Variants in HPSE2 observed in about 807,000 individuals in gnomAD.
HPSE2 encodes inactive heparanase-2.
HPSE2 carries 38 observed loss-of-function variants against 60.5 expected under a neutral mutation model. The observed-to-expected ratio is 0.63, with a 90% CI of 0.48 to 0.82. HPSE2 has a LOEUF of 0.82. Among genes scored for constraint, HPSE2 ranks in the 40% least tolerant of loss-of-function variants. The pLI, the probability that HPSE2 is intolerant of heterozygous loss-of-function variation, is 0.00. For synonymous variants in HPSE2, 295 were observed against 293.2 expected (o/e 1.01, Z -0.06); for missense variants, 713 against 740.4 (o/e 0.96, Z 0.43).
At position 98,573,165 on chromosome 10, in the gene HPSE2, G is replaced by T. The variant is rs1386112757; in HGVS notation, c.1320+41739C>A. ...GTGGCTCTTGTGAGGATTCACTAGTGCAAGTAGTATATACTAGGCATTCAA... is the reference window on the plus strand; with the variant it reads ...GTGGCTCTTGTGAGGATTCACTAGTTCAAGTAGTATATACTAGGCATTCAA... On this transcript the variant is annotated intron_variant, in intron 9 of 11. Transcript: ENST00000370552. Among the ~76,000 whole-genome samples, 3 of 152,162 alleles carry T rather than the reference G, an allele frequency of 2.0e-5. No individual in the cohort carries two copies. The East Asian group carries it at 5.8e-4, about 29-fold the overall frequency.
At chr10:98,645,750 G>A (rs1047566184) in intron 6 of HPSE2, among the ~76,000 whole-genome samples, 9 of 152,010 alleles carry the variant, frequency 5.9e-5, no homozygotes, top group Non-Finnish European at 1.0e-4. Context: ...AGGCTGAGGC[G>A]GGCGGATCAT....
intron 3 of HPSE2, among the ~76,000 whole-genome samples, chr10:98,772,079 T>C (rs1254723343): frequency 6.6e-6 from 1 of 152,024 alleles, no homozygotes; most frequent in Non-Finnish European, 1.5e-5. Flanking sequence ...GCAATAACCG[T>C]AAGGATGGTG....
At chr10:98,625,587 A>G (rs999593732) in intron 7 of HPSE2, among the ~76,000 whole-genome samples, 2 of 152,206 alleles carry the variant, frequency 1.3e-5, no homozygotes, top group Admixed American at 1.3e-4. Flanking sequence ...TGTAAGTACA[A>G]TAAGTCTTCA....
At chr10:98,855,978 T>A (rs755430193) in intron 3 of HPSE2, among the ~76,000 whole-genome samples, 1 of 152,088 alleles carries the variant, frequency 6.6e-6, no homozygotes, top group African/African-American at 2.4e-5. Flanking sequence ...GACACTGACA[T>A]TGCAATGAGG....
At chr10:99,303,493 G>A in the HPSE2 span, among the ~76,000 whole-genome samples, 1 of 152,206 alleles carries the variant, frequency 6.6e-6, no homozygotes, top group African/African-American at 2.4e-5. Context: ...ACTTAGTCCC[G>A]CTAAAAACTT....
chr10:98,802,967 TC>T (rs1208396224), intron 3 of HPSE2, among the ~76,000 whole-genome samples: 4 of 145,916 alleles, frequency 2.7e-5, no homozygotes, highest in Non-Finnish European at 6.0e-5. Context: ...TTTCTCCACA[TC>T]CTCTCCAGCA....
intron 3 of HPSE2, among the ~76,000 whole-genome samples, chr10:98,975,028 C>A (rs1956053454): frequency 6.6e-6 from 1 of 152,146 alleles, no homozygotes; most frequent in Non-Finnish European, 1.5e-5. Context: ...GAATGAATAA[C>A]AACTGTATGA....
At chr10:99,092,882 T>C (rs1843564605) in intron 3 of HPSE2, among the ~76,000 whole-genome samples, 1 of 152,154 alleles carries the variant, frequency 6.6e-6, no homozygotes, top group African/African-American at 2.4e-5. Flanking sequence ...TAAAATTATA[T>C]AATATTTGGT....
At chr10:98,729,689 C>T (rs1273499709) in intron 4 of HPSE2, among the ~76,000 whole-genome samples, 1 of 151,554 alleles carries the variant, frequency 6.6e-6, no homozygotes, top group African/African-American at 2.4e-5. Flanking sequence ...AATAACTATA[C>T]TAATATCAGA....
At chr10:98,752,905 T>C (rs1389106452) in intron 3 of HPSE2, among the ~76,000 whole-genome samples, 1 of 152,114 alleles carries the variant, frequency 6.6e-6, no homozygotes, top group Non-Finnish European at 1.5e-5. Context: ...TGGATGAACA[T>C]GGAGGACAGT....
intron 9 of HPSE2, among the ~76,000 whole-genome samples, chr10:98,514,898 A>AT (rs1347031169): frequency 6.8e-6 from 1 of 148,118 alleles, no homozygotes; most frequent in African/African-American, 2.5e-5. Context: ...TTTTTTTTGT[A>AT]TTTTTAGCAG....
intron 3 of HPSE2, among the ~76,000 whole-genome samples, chr10:99,097,364 T>C (rs1589649873): frequency 2.6e-5 from 4 of 152,326 alleles, no homozygotes; most frequent in East Asian, 1.9e-4. Flanking sequence ...CTTTTACATC[T>C]TAAGAGACAT....
At chr10:99,062,205 A>C (rs1159471125) in intron 3 of HPSE2, among the ~76,000 whole-genome samples, 1 of 152,170 alleles carries the variant, frequency 6.6e-6, no homozygotes, top group Non-Finnish European at 1.5e-5. Flanking sequence ...TCTTTATTTG[A>C]TAACTCCCTC....
intron 3 of HPSE2, among the ~76,000 whole-genome samples, chr10:98,988,388 A>G (rs1176990181): frequency 2.0e-5 from 3 of 152,304 alleles, no homozygotes; most frequent in Non-Finnish European, 4.4e-5. Context: ...AAAACAAGCA[A>G]TCGGGAAAGG....
At chr10:98,933,888 C>A (rs1214596702) in intron 3 of HPSE2, among the ~76,000 whole-genome samples, 1 of 141,514 alleles carries the variant, frequency 7.1e-6, no homozygotes, top group East Asian at 2.0e-4. Context: ...CCCACCACCA[C>A]ACCCGGCTAA....
chr10:99,283,452 G>A, the HPSE2 span, among the ~76,000 whole-genome samples: 5 of 151,264 alleles, frequency 3.3e-5, no homozygotes, highest in South Asian at 1.0e-3. Flanking sequence ...GCAGTGAGCT[G>A]ATCATACCAC....
At chr10:98,498,489 GAAC>G (rs1941925161) in intron 9 of HPSE2, among the ~76,000 whole-genome samples, 1 of 152,108 alleles carries the variant, frequency 6.6e-6, no homozygotes, top group Non-Finnish European at 1.5e-5. Context: ...AAAAGATTCT[GAAC>G]AACAGCCTTT....
intron 5 of HPSE2, among the ~76,000 whole-genome samples, chr10:98,710,519 T>C (rs17110706): frequency 0.012 from 1,811 of 152,246 alleles, 25 homozygotes; most frequent in African/African-American, 0.041. Context: ...GACCAATCCA[T>C]CTTGTTGATA....
intron 3 of HPSE2, among the ~76,000 whole-genome samples, chr10:98,756,813 TCTGA>T (rs1327415108): frequency 6.6e-6 from 1 of 152,052 alleles, no homozygotes; most frequent in Admixed American, 6.6e-5. Flanking sequence ...GAACCTCTTC[TCTGA>T]CTTATTCATG....
Sources: gnomAD v4.1 joint callset for allele counts (sites outside exome capture counted in the v4.1 genomes callset) on GRCh38, gnomAD v4.1.1 for gene constraint, MANE v1.5 for transcripts, NCBI Gene and HGNC (gene_info 2026-07-23, HGNC 2026-07-21) for gene names.